The following KCNH1 variants were observed in gnomAD, a reference collection of about 807,000 sequenced individuals.
KCNH1 encodes potassium voltage-gated channel subfamily H member 1, also known as voltage-gated delayed rectifier potassium channel KCNH1.
KCNH1 carries 27 observed loss-of-function variants against 69.2 expected under a neutral mutation model. That is an observed-to-expected ratio of 0.39 (90% CI 0.29 to 0.54). The LOEUF (loss-of-function observed/expected upper bound fraction) is 0.54, where lower values mean the gene tolerates loss of function less well. Ranked by LOEUF, KCNH1 falls within the 20% of genes least tolerant of loss-of-function variation. KCNH1 has a pLI of 0.68. For missense variants in KCNH1, 798 were observed against 1,261.6 expected (o/e 0.63, Z 5.57); for synonymous variants, 456 against 487.7 (o/e 0.93, Z 0.86).
chr1:210,742,536 C>T (rs1683056801), intron 10 of KCNH1, among the ~76,000 whole-genome samples: 1 of 152,182 alleles, frequency 6.6e-6, no homozygotes, highest in Non-Finnish European at 1.5e-5. Context: ...ATGCTGGGCA[C>T]TCAGTGGTTC....
intron 7 of KCNH1, among the ~76,000 whole-genome samples, chr1:210,829,333 T>C (rs2102436990): frequency 6.6e-6 from 1 of 152,314 alleles, no homozygotes; most frequent in African/African-American, 2.4e-5. Context: ...CAACAATGTC[T>C]TGTTTATTAC....
chr1:211,061,642 T>C (rs1438171640), intron 5 of KCNH1, among the ~76,000 whole-genome samples: 1 of 151,866 alleles, frequency 6.6e-6, no homozygotes, highest in Non-Finnish European at 1.5e-5. Flanking sequence ...AAAATCAACA[T>C]ACAAAAAACC....
chr1:211,126,955 A>G (rs1165395423), intron 1 of KCNH1, among the ~76,000 whole-genome samples: 1 of 152,142 alleles, frequency 6.6e-6, no homozygotes, highest in Admixed American at 6.5e-5. Flanking sequence ...ACCTCACAAA[A>G]AAAAATAGCT....
intron 9 of KCNH1, among the ~76,000 whole-genome samples, chr1:210,779,596 C>T (rs1028330163): frequency 6.6e-6 from 1 of 152,262 alleles, no homozygotes. Flanking sequence ...CCAATGCACT[C>T]AGCAATCAAA....
At chr1:210,997,437 C>T (rs554756414) in intron 6 of KCNH1, among the ~76,000 whole-genome samples, 23 of 151,950 alleles carry the variant, frequency 1.5e-4, no homozygotes, top group East Asian at 5.8e-4. Flanking sequence ...ATGAATGAAA[C>T]GAAGCGAGAA....
At chr1:210,739,140 A>G (rs1682957454) in intron 10 of KCNH1, among the ~76,000 whole-genome samples, 2 of 152,186 alleles carry the variant, frequency 1.3e-5, no homozygotes, top group African/African-American at 2.4e-5. Context: ...AAGTTCTACA[A>G]TCTTATTAAA....
chr1:210,925,643 A>C (rs1244881836), intron 6 of KCNH1, among the ~76,000 whole-genome samples: 1 of 152,218 alleles, frequency 6.6e-6, no homozygotes, highest in Non-Finnish European at 1.5e-5. Flanking sequence ...GACTCAGCAC[A>C]GGCAGCCATC....
At chr1:211,096,450 T>G (rs149770320) in intron 3 of KCNH1, among the ~76,000 whole-genome samples, 6 of 152,330 alleles carry the variant, frequency 3.9e-5, no homozygotes, top group African/African-American at 1.2e-4. Flanking sequence ...CATGGCTGTT[T>G]GAATGACTTA....
chr1:210,963,629 G>A (rs770542581), intron 6 of KCNH1, among the ~76,000 whole-genome samples: 16 of 151,820 alleles, frequency 1.1e-4, no homozygotes, highest in Non-Finnish European at 2.4e-4. Flanking sequence ...CACAGCGCAA[G>A]AACTTCATGA....
chr1:210,992,946 A>T (rs1688961909), intron 6 of KCNH1, among the ~76,000 whole-genome samples: 1 of 152,194 alleles, frequency 6.6e-6, no homozygotes, highest in African/African-American at 2.4e-5. Context: ...TCTTTGCACG[A>T]GTAGGGAGAG....
chr1:210,946,954 T>C (rs1200389476), intron 6 of KCNH1, among the ~76,000 whole-genome samples: 1 of 152,150 alleles, frequency 6.6e-6, no homozygotes, highest in East Asian at 1.9e-4. Context: ...CCAGCACACA[T>C]TCCTGTTGTA....
chr1:210,871,666 A>C (rs985134812), intron 7 of KCNH1, among the ~76,000 whole-genome samples: 5 of 152,046 alleles, frequency 3.3e-5, no homozygotes, highest in African/African-American at 4.8e-5. Flanking sequence ...TGTCCAACAA[A>C]GATAGACTGG....
At chr1:211,056,284 C>T (rs1031440426) in intron 5 of KCNH1, among the ~76,000 whole-genome samples, 2 of 151,990 alleles carry the variant, frequency 1.3e-5, no homozygotes, top group African/African-American at 4.8e-5. Context: ...TGCCAAGGGG[C>T]CTAGGGTGGT....
intron 6 of KCNH1, among the ~76,000 whole-genome samples, chr1:210,978,900 T>C (rs1343848425): frequency 6.6e-6 from 1 of 152,192 alleles, no homozygotes; most frequent in Non-Finnish European, 1.5e-5. Flanking sequence ...TCACATGCTG[T>C]TGGGCCCTTT....
chr1:210,965,189 C>A (rs564988351), intron 6 of KCNH1, among the ~76,000 whole-genome samples: 1 of 152,092 alleles, frequency 6.6e-6, no homozygotes, highest in Non-Finnish European at 1.5e-5. Context: ...AAAACCAGCA[C>A]GAGACAAGGA....
At position 210,681,065 on chromosome 1, in the gene KCNH1, T is replaced by C. The variant is rs945148312; in HGVS notation, c.*2216A>G. The C allele has an allele frequency of 6.6e-6, 1 of 152,218 alleles. No individual in the cohort carries two copies. The highest frequency in any genetic ancestry group is 1.5e-5 in the Non-Finnish European group (1 of 68,054). The allele number at this position is 152,218 out of a possible 1,614,324, so 9.4% of individuals were successfully genotyped here. On this transcript the variant is annotated 3_prime_UTR_variant, in exon 11 of 11. Transcript: ENST00000271751. ...CTGAGAGGCAAAAAAGTGTCTCCAG[T>C]GGCAGGTTCTTCTGAGGCTGGGTTT... is the stretch of plus-strand genomic sequence containing the variant.
chr1:210,905,880 T>C (rs528582295), intron 7 of KCNH1, among the ~76,000 whole-genome samples: 11 of 152,358 alleles, frequency 7.2e-5, no homozygotes, highest in African/African-American at 1.9e-4. Flanking sequence ...TGTAAAACAC[T>C]GTTTGCTCAA....
chr1:211,118,025 C>T (rs954792548), intron 1 of KCNH1, among the ~76,000 whole-genome samples: 2 of 152,118 alleles, frequency 1.3e-5, no homozygotes, highest in African/African-American at 4.8e-5. Context: ...TCCAGGTGAA[C>T]CATGTTGTAT....
intron 5 of KCNH1, among the ~76,000 whole-genome samples, chr1:211,080,473 A>G (rs1466560763): frequency 1.3e-5 from 2 of 152,238 alleles, no homozygotes; most frequent in Admixed American, 6.5e-5. Context: ...AACTACTTTA[A>G]AGTTCATGTG....
Sources: gnomAD v4.1 joint callset for allele counts (sites outside exome capture counted in the v4.1 genomes callset) on GRCh38, gnomAD v4.1.1 for gene constraint, MANE v1.5 for transcripts, NCBI Gene and HGNC (gene_info 2026-07-23, HGNC 2026-07-21) for gene names.